SYNPR: variants seen among roughly 807,000 people sequenced by gnomAD.
The protein encoded by SYNPR is synaptoporin.
Under a neutral mutation model 32.9 loss-of-function variants are expected in SYNPR, and 23 were observed. That is an observed-to-expected ratio of 0.70 (90% confidence interval 0.50 to 0.99). SYNPR has a LOEUF of 0.99. Among genes scored for constraint, SYNPR ranks in the 50% least tolerant of loss-of-function variants. The pLI is 0.00. For synonymous variants in SYNPR, 146 were observed against 135.9 expected, an observed-to-expected ratio of 1.07 and a Z score of -0.52; for missense variants, 318 against 349.3, an observed-to-expected ratio of 0.91 and a Z score of 0.71.
At chr3:63,205,973 G>A in the SYNPR span, among the ~76,000 whole-genome samples, 5 of 152,158 alleles carry the variant, frequency 3.3e-5, no homozygotes, top group Non-Finnish European at 7.4e-5. Context: ...GTTGGTTCAG[G>A]AAGTTTATAG....
At chr3:63,356,268 C>T (rs2087576406) in intron 2 of SYNPR, among the ~76,000 whole-genome samples, 1 of 152,226 alleles carries the variant, frequency 6.6e-6, no homozygotes, top group Non-Finnish European at 1.5e-5. Flanking sequence ...GCTTATCTTA[C>T]CAAATAATCC....
chr3:63,503,547 C>T (rs1224957273), intron 3 of SYNPR, among the ~76,000 whole-genome samples: 1 of 151,944 alleles, frequency 6.6e-6, no homozygotes, highest in Admixed American at 6.6e-5. Flanking sequence ...AATCTCAACT[C>T]TTTTTTACTG....
intron 2 of SYNPR, among the ~76,000 whole-genome samples, chr3:63,281,108 T>A (rs1216044601): frequency 1.3e-5 from 2 of 152,178 alleles, no homozygotes; most frequent in African/African-American, 4.8e-5. Flanking sequence ...AGGTATCTTT[T>A]TCTGTAGGAG....
intron 3 of SYNPR, among the ~76,000 whole-genome samples, chr3:63,511,391 C>A (rs1252014920): frequency 6.6e-6 from 1 of 152,160 alleles, no homozygotes; most frequent in Admixed American, 6.6e-5. Context: ...TTTTAACAAA[C>A]CATTCTGTTC....
intron 2 of SYNPR, among the ~76,000 whole-genome samples, chr3:63,408,549 AG>A (rs1165851898): frequency 6.6e-6 from 1 of 152,062 alleles, no homozygotes; most frequent in Non-Finnish European, 1.5e-5. Flanking sequence ...TTTCAGTCCA[AG>A]GCAGAAGGCC....
chr3:63,397,062 C>T lies in SYNPR; in HGVS notation c.85-83770C>T, dbSNP rs1205714290. Among the ~76,000 whole-genome samples, 5 of 149,666 alleles carry T rather than the reference C, an allele frequency of 3.3e-5. No individual in the cohort carries two copies. The South Asian group carries it at 6.3e-4, about 19-fold the overall frequency. The stretch of plus-strand genomic sequence containing the variant: ...GAGCTTGCAGTGAGCCAAGATAGCG[C>T]CACTGCACTCCAGCCTGGGCAACAG... On this transcript the variant is annotated intron_variant, in intron 2 of 5. Transcript: ENST00000478300.
chr3:63,335,510 T>C (rs1004044575), intron 2 of SYNPR, among the ~76,000 whole-genome samples: 6 of 152,132 alleles, frequency 3.9e-5, no homozygotes, highest in Non-Finnish European at 2.9e-5. Flanking sequence ...TTGAATTTGG[T>C]TTAACCAAAT....
intron 3 of SYNPR, among the ~76,000 whole-genome samples, chr3:63,528,063 T>A (rs1702047768): frequency 6.6e-6 from 1 of 152,188 alleles, no homozygotes; most frequent in Non-Finnish European, 1.5e-5. Context: ...TCATATCTGA[T>A]TTTGAGAAAA....
chr3:63,256,856 A>G (rs1379700630), intron 2 of SYNPR, among the ~76,000 whole-genome samples: 1 of 152,162 alleles, frequency 6.6e-6, no homozygotes, highest in Non-Finnish European at 1.5e-5. Flanking sequence ...AGAATAACCA[A>G]TGCAGAGAAG....
chr3:63,269,090 A>G, intron 3 of SYNPR, among the ~76,000 whole-genome samples: 1 of 152,264 alleles, frequency 6.6e-6, no homozygotes, highest in South Asian at 2.1e-4. Context: ...ACATAAGTAT[A>G]TAATTTGCTT....
chr3:63,396,311 GA>G (rs2088212238), intron 2 of SYNPR, among the ~76,000 whole-genome samples: 1 of 152,094 alleles, frequency 6.6e-6, no homozygotes, highest in South Asian at 2.1e-4. Context: ...GAAACTTCAA[GA>G]GCTCCGTTTC....
At chr3:63,287,276 T>C (rs2086694236) in intron 2 of SYNPR, among the ~76,000 whole-genome samples, 1 of 152,212 alleles carries the variant, frequency 6.6e-6, no homozygotes, top group African/African-American at 2.4e-5. Flanking sequence ...GGTTTCTTGC[T>C]GTTCTCATGA....
At chr3:63,463,976 A>C (rs535848737) in intron 2 of SYNPR, among the ~76,000 whole-genome samples, 132 of 152,224 alleles carry the variant, frequency 8.7e-4, no homozygotes, top group African/African-American at 3.1e-3. Context: ...CGTAACATTT[A>C]GTTCTACTTT....
chr3:63,373,298 A>G (rs2087843935), intron 2 of SYNPR, among the ~76,000 whole-genome samples: 1 of 152,212 alleles, frequency 6.6e-6, no homozygotes, highest in Non-Finnish European at 1.5e-5. Flanking sequence ...TTCAGAAGAA[A>G]GTTAAAACTT....
intron 2 of SYNPR, among the ~76,000 whole-genome samples, chr3:63,344,290 T>C (rs2087408538): frequency 6.6e-6 from 1 of 152,136 alleles, no homozygotes; most frequent in African/African-American, 2.4e-5. Context: ...CTGCACTTCT[T>C]CTCTCCTACC....
At chr3:63,549,944 T>C (rs1480971464) in intron 3 of SYNPR, 2 of 152,118 alleles carry the variant, frequency 1.3e-5, no homozygotes, top group African/African-American at 4.8e-5. Context: ...GGAAGAGAAT[T>C]TTACATTTGA....
At chr3:63,206,464 G>A in the SYNPR span, among the ~76,000 whole-genome samples, 2 of 152,076 alleles carry the variant, frequency 1.3e-5, no homozygotes, top group African/African-American at 4.8e-5. Context: ...GGGAGGCTGG[G>A]GCAGGAGAAT....
chr3:63,507,482 G>A (rs1701611611), intron 3 of SYNPR, among the ~76,000 whole-genome samples: 1 of 152,148 alleles, frequency 6.6e-6, no homozygotes, highest in South Asian at 2.1e-4. Context: ...AACATTCTGT[G>A]AAGTGTTTAT....
intron 2 of SYNPR, among the ~76,000 whole-genome samples, chr3:63,355,377 C>T (rs1575608292): frequency 6.6e-6 from 1 of 152,050 alleles, no homozygotes; most frequent in Non-Finnish European, 1.5e-5. Flanking sequence ...CTACTAGAGG[C>T]TACTGAAGGA....
Sources: allele counts gnomAD v4.1 joint callset (sites outside exome capture counted in the v4.1 genomes callset), GRCh38; gene constraint gnomAD v4.1.1; transcripts MANE v1.5; gene names NCBI Gene and HGNC (gene_info 2026-07-23, HGNC 2026-07-21).